The following CDC42SE2 variants were observed in gnomAD, a reference collection of about 807,000 sequenced individuals.
CDC42SE2 encodes the protein CDC42 small effector 2, also known as CDC42 small effector protein 2.
CDC42SE2 carries 3 observed loss-of-function variants against 11.5 expected under a neutral mutation model. The ratio of observed to expected loss-of-function variants is 0.26; its 90% CI spans 0.12 to 0.67. The LOEUF (loss-of-function observed/expected upper bound fraction) is 0.67. Ranked by LOEUF, CDC42SE2 falls within the 30% of genes least tolerant of loss-of-function variation. The pLI, the probability that CDC42SE2 is intolerant of heterozygous loss-of-function variation, is 0.80. For synonymous variants in CDC42SE2, 33 were observed against 34.8 expected (o/e 0.95, Z 0.18); for missense variants, 82 against 106.8 (o/e 0.77, Z 1.02).
intron 4 of CDC42SE2, among the ~76,000 whole-genome samples, chr5:131,389,375 C>G (rs1025229426): frequency 1.3e-5 from 2 of 152,208 alleles, no homozygotes; most frequent in Admixed American, 6.5e-5. Flanking sequence ...TTCTTACACT[C>G]TTACCTGAAG....
chr5:131,344,610 G>A (rs1758795260), intron 2 of CDC42SE2, among the ~76,000 whole-genome samples: 1 of 152,140 alleles, frequency 6.6e-6, no homozygotes, highest in Non-Finnish European at 1.5e-5. Flanking sequence ...AGAAACTTCT[G>A]CACACTTAAA....
chr5:131,216,951 G>A, the CDC42SE2 span, among the ~76,000 whole-genome samples: 4 of 152,154 alleles, frequency 2.6e-5, no homozygotes, highest in Admixed American at 2.6e-4. Context: ...AAGAGCCAAG[G>A]TAGCTTAGAC....
chr5:131,254,522 A>G (rs1441159002), intron 1 of CDC42SE2, among the ~76,000 whole-genome samples: 1 of 151,814 alleles, frequency 6.6e-6, no homozygotes, highest in African/African-American at 2.4e-5. Flanking sequence ...AGCCTAGGCA[A>G]CAGAGTGAGA....
chr5:131,217,252 G>C, the CDC42SE2 span, among the ~76,000 whole-genome samples: 1 of 152,306 alleles, frequency 6.6e-6, no homozygotes, highest in Admixed American at 6.5e-5. Flanking sequence ...TTGAGTAGTT[G>C]TGACAGAGAC....
intron 3 of CDC42SE2, among the ~76,000 whole-genome samples, chr5:131,381,559 G>A (rs1227867431): frequency 2.6e-5 from 4 of 152,072 alleles, no homozygotes. Context: ...TTGACCTCAG[G>A]TGATCCACCC....
intron 2 of CDC42SE2, among the ~76,000 whole-genome samples, chr5:131,343,915 C>T (rs537159870): frequency 6.6e-6 from 1 of 152,296 alleles, no homozygotes; most frequent in South Asian, 2.1e-4. Flanking sequence ...TTATATTGCA[C>T]ACTCTTTCAT....
intron 1 of CDC42SE2, among the ~76,000 whole-genome samples, chr5:131,304,600 G>C (rs772292214): frequency 6.6e-6 from 1 of 152,178 alleles, no homozygotes; most frequent in Non-Finnish European, 1.5e-5. Context: ...ATGGAGGACT[G>C]AGGTACTCTG....
intron 2 of CDC42SE2, among the ~76,000 whole-genome samples, chr5:131,352,644 G>GTT (rs1438006063): frequency 1.3e-5 from 2 of 152,256 alleles, no homozygotes; most frequent in East Asian, 3.9e-4. Flanking sequence ...TAAATACATA[G>GTT]TTTGAAAGAT....
chr5:131,286,555 T>C (rs1757345691), intron 1 of CDC42SE2, among the ~76,000 whole-genome samples: 1 of 151,944 alleles, frequency 6.6e-6, no homozygotes, highest in South Asian at 2.1e-4. Context: ...AGTTGACCCT[T>C]GAACAACATG....
At chr5:131,270,909 CAGGATGCAGCTT>C (rs1478446085) in intron 1 of CDC42SE2, among the ~76,000 whole-genome samples, 2 of 151,718 alleles carry the variant, frequency 1.3e-5, no homozygotes, top group African/African-American at 4.9e-5. Flanking sequence ...CCTACCACTT[CAGGATGCAGCTT>C]AGGATTACAG....
intron 4 of CDC42SE2, among the ~76,000 whole-genome samples, chr5:131,390,456 A>G (rs1750617107): frequency 6.6e-6 from 1 of 152,148 alleles, no homozygotes; most frequent in African/African-American, 2.4e-5. Flanking sequence ...AGGCCGAAGC[A>G]GTCGGATCAC....
At chr5:131,338,889 A>C (rs1049622196) in intron 2 of CDC42SE2, among the ~76,000 whole-genome samples, 1 of 152,140 alleles carries the variant, frequency 6.6e-6, no homozygotes, top group Non-Finnish European at 1.5e-5. Context: ...TAAAATGTAC[A>C]CTGCAACTTG....
chr5:131,325,084 T>G (rs1459012158), intron 2 of CDC42SE2, among the ~76,000 whole-genome samples: 1 of 152,216 alleles, frequency 6.6e-6, no homozygotes, highest in African/African-American at 2.4e-5. Flanking sequence ...ACCTGGTTGT[T>G]ACGTGTTTAG....
the CDC42SE2 span, among the ~76,000 whole-genome samples, chr5:131,236,863 C>T: frequency 1.4e-3 from 210 of 152,292 alleles, 1 homozygote; most frequent in Non-Finnish European, 1.4e-3. Context: ...TCTGTACTTT[C>T]TATTATTTCA....
At chr5:131,339,947 T>A (rs2149751725) in intron 2 of CDC42SE2, among the ~76,000 whole-genome samples, 1 of 152,250 alleles carries the variant, frequency 6.6e-6, no homozygotes, top group South Asian at 2.1e-4. Flanking sequence ...AACTAGAGAT[T>A]CTGTGAAATC....
the CDC42SE2 span, among the ~76,000 whole-genome samples, chr5:131,232,734 C>CAAAAAAAA: frequency 2.4e-5 from 1 of 42,176 alleles, no homozygotes; most frequent in Non-Finnish European, 4.5e-5. Context: ...GACTCGGTCT[C>CAAAAAAAA]AAAAAAAAAA....
intron 2 of CDC42SE2, among the ~76,000 whole-genome samples, chr5:131,348,813 A>G (rs760051293): frequency 4.0e-5 from 6 of 150,052 alleles, no homozygotes; most frequent in Non-Finnish European, 7.5e-5. Context: ...AATGGAATAG[A>G]AGAGCCCCCG....
At chr5:131,279,216 C>G (rs562915712) in intron 1 of CDC42SE2, among the ~76,000 whole-genome samples, 21 of 152,226 alleles carry the variant, frequency 1.4e-4, no homozygotes, top group African/African-American at 5.1e-4. Context: ...CTCTTTACAT[C>G]TGATGATTAC....
chr5:131,267,703 A>G (rs936998986), intron 1 of CDC42SE2, among the ~76,000 whole-genome samples: 2 of 152,152 alleles, frequency 1.3e-5, no homozygotes, highest in Admixed American at 1.3e-4. Context: ...AAGTTTATTT[A>G]AATACTTCAT....
Sources: allele counts gnomAD v4.1 joint callset (sites outside exome capture counted in the v4.1 genomes callset), GRCh38; gene constraint gnomAD v4.1.1; transcripts MANE v1.5; gene names NCBI Gene and HGNC (gene_info 2026-07-23, HGNC 2026-07-21).